AMTN: variants seen among roughly 807,000 people sequenced by gnomAD.
AMTN encodes the protein RSTI689.
Under a neutral mutation model 27.4 loss-of-function variants are expected in AMTN, and 29 were observed. The observed-to-expected ratio is 1.06, with a 90% CI of 0.79 to 1.44. The LOEUF is 1.44. AMTN is among the 40% of genes most tolerant of loss of function. The pLI is 0.00. For synonymous variants in AMTN, 86 were observed against 95.7 expected (o/e 0.90, Z 0.59); for missense variants, 247 against 248.8 (o/e 0.99, Z 0.05).
Position 70,531,437 on chromosome 4 carries a change from A to T in AMTN, c.619+137A>T. ...AAGCCCCTTTACTCACTCACAGTTA[A>T]CTCCAGCAACATGAGGGAATATTTT... On this transcript the variant is annotated intron_variant, in intron 8 of 8. Coordinates refer to ENST00000339336, the MANE Select transcript of AMTN (RefSeq NM_212557.4). 2 of 1,121,384 alleles carry T rather than the reference A, an allele frequency of 1.8e-6. 1 individual carries two copies. Among genetic ancestry groups the T allele is most frequent in the South Asian group, 3.3e-5 (2 of 61,516 alleles). The allele number at this position is 1,121,384 out of a possible 1,614,324, so 69.5% of individuals were successfully genotyped here.
intron 6 of AMTN, 26 bp downstream of exon 6, chr4:70,528,784 T>A: frequency 6.4e-7 from 1 of 1,561,726 alleles, no homozygotes; most frequent in Non-Finnish European, 8.6e-7. Context: ...AATATTGTCT[T>A]GATTTTAAAT....
At chr4:70,521,631 C>A (rs1265594137) in intron 2 of AMTN, among the ~76,000 whole-genome samples, 5 of 131,358 alleles carry the variant, frequency 3.8e-5, no homozygotes. Flanking sequence ...ACAGATAATA[C>A]CAACCTCTCT....
Position 70,532,606 on chromosome 4 carries a change from C to A in AMTN, c.*141C>A. The A allele has an allele frequency of 1.3e-6, 1 of 772,142 alleles. No individual in the cohort carries two copies. Among genetic ancestry groups the A allele is most frequent in the Non-Finnish European group, 2.0e-6 (1 of 495,778 alleles). 47.8% of individuals were successfully genotyped at this position (772,142 alleles called of 1,614,324 possible). On this transcript the variant is annotated 3_prime_UTR_variant, in exon 9 of 9. Coordinates refer to ENST00000339336, the MANE Select transcript of AMTN (RefSeq NM_212557.4). ...AATTCTTAATTTACCTGAAAATATT[C>A]TTGAAATTTCAGAAAATATGTTCTA... is the stretch of plus-strand genomic sequence containing the variant.
chr4:70,531,081 G>A lies in AMTN; in HGVS notation c.400G>A (p.Gly134Arg). 19 of 1,614,028 alleles carry A rather than the reference G, an allele frequency of 1.2e-5. No individual in the cohort carries two copies. The highest frequency in any genetic ancestry group is 1.6e-5 in the Non-Finnish European group (19 of 1,179,986). The change falls in exon 8 of 9, where the codon GGA becomes AGA. Residue 134 changes from glycine to arginine, a missense_variant. Coordinates refer to ENST00000339336, the MANE Select transcript of AMTN (RefSeq NM_212557.4). ...CCTCATCATCCATTCCTTGTTCCCG[G>A]GAGGCATCCTGCCCACCAGTCAGGC... Reference protein sequence around the residue: ...TSLIIHSLFPGGILPTSQAGA... With the variant: ...TSLIIHSLFPRGILPTSQAGA...
intron 3 of AMTN, 35 bp downstream of exon 3, chr4:70,522,873 G>C: frequency 6.3e-7 from 1 of 1,591,020 alleles, no homozygotes; most frequent in Non-Finnish European, 8.6e-7. Context: ...TGTACAAACC[G>C]GTAAAGAAAA....
At chr4:70,524,594 A>G (rs1044465991) in intron 4 of AMTN, among the ~76,000 whole-genome samples, 4 of 152,204 alleles carry the variant, frequency 2.6e-5, no homozygotes, top group African/African-American at 9.7e-5. Context: ...GCAAAGATAA[A>G]AATAAATCAC....
chr4:70,530,682 C>CA (rs1736201209), intron 7 of AMTN, among the ~76,000 whole-genome samples: 1 of 152,078 alleles, frequency 6.6e-6, no homozygotes, highest in Admixed American at 6.5e-5. Flanking sequence ...AAAAATACAT[C>CA]AAAAAAACTT....
intron 5 of AMTN, among the ~76,000 whole-genome samples, chr4:70,527,487 T>G (rs1332103321): frequency 1.3e-5 from 2 of 152,204 alleles, no homozygotes; most frequent in African/African-American, 4.8e-5. Flanking sequence ...TTGGGTTTTT[T>G]GTTCTTGTTT....
chr4:70,527,167 G>T (rs971489260), intron 5 of AMTN, among the ~76,000 whole-genome samples: 3 of 152,154 alleles, frequency 2.0e-5, no homozygotes, highest in Non-Finnish European at 4.4e-5. Context: ...TACAGCTGTT[G>T]CAAAGATCAA....
At chr4:70,518,873 C>T in intron 2 of AMTN, 42 bp downstream of exon 2, 3 of 1,514,948 alleles carry the variant, frequency 2.0e-6, no homozygotes, top group Non-Finnish European at 2.8e-6. Flanking sequence ...CCAGTTTCAA[C>T]AGCATCTCTA....
chr4:70,519,002 G>T (rs760224085), intron 2 of AMTN, among the ~76,000 whole-genome samples, 171 bp downstream of exon 2: 1 of 152,106 alleles, frequency 6.6e-6, no homozygotes, highest in Non-Finnish European at 1.5e-5. Context: ...TAAGCTGTTG[G>T]TACATATTTC....
chr4:70,530,750 A>C (rs1265417800), intron 7 of AMTN, among the ~76,000 whole-genome samples: 1 of 152,196 alleles, frequency 6.6e-6, no homozygotes, highest in East Asian at 1.9e-4. Context: ...ATTAATTTTT[A>C]TGCTCTTATT....
At chr4:70,528,098 T>C (rs1394397596) in intron 5 of AMTN, among the ~76,000 whole-genome samples, 3 of 152,242 alleles carry the variant, frequency 2.0e-5, no homozygotes, top group Non-Finnish European at 4.4e-5. Context: ...TCTGTACATT[T>C]TAACATTATT....
intron 2 of AMTN, among the ~76,000 whole-genome samples, 193 bp downstream of exon 2, chr4:70,519,024 A>AT (rs1735884720): frequency 6.6e-6 from 1 of 152,136 alleles, no homozygotes; most frequent in Non-Finnish European, 1.5e-5. Context: ...ATGTACTTGC[A>AT]TTTTTTTAAA....
At position 70,523,913 on chromosome 4, in the gene AMTN, C is replaced by T; in HGVS notation, c.184C>T (p.Leu62=). The T allele has an allele frequency of 6.2e-7, 1 of 1,613,712 alleles. No homozygotes were observed. Among genetic ancestry groups the T allele is most frequent in the Non-Finnish European group, 8.5e-7 (1 of 1,179,660 alleles). The stretch of plus-strand genomic sequence containing the variant: ...GATACCATTAACACAGATGCTCACA[C>T]TGGGGCCAGATCTGCATCTGGTAAG... The part of the protein sequence containing the change: ...SLIPLTQMLT[L]GPDLHLLNPA... Residue 62 remains leucine (L), a synonymous_variant, in exon 4 of 9, where the codon CTG becomes TTG. Transcript: ENST00000339336.
At chr4:70,524,080 G>T in intron 4 of AMTN, 147 bp downstream of exon 4, 2 of 612,414 alleles carry the variant, frequency 3.3e-6, no homozygotes, top group East Asian at 5.7e-5. Flanking sequence ...TGAAAGAGAG[G>T]AGAGAAGAGT....
intron 5 of AMTN, among the ~76,000 whole-genome samples, chr4:70,527,386 TC>T (rs1736122857): frequency 6.6e-6 from 1 of 152,230 alleles, no homozygotes. Flanking sequence ...TTCTTTCCAC[TC>T]CAACTTTCCA....
At chr4:70,529,040 C>T (rs1736158209) in intron 6 of AMTN, 144 bp from the exon 7 acceptor site, 3 of 719,006 alleles carry the variant, frequency 4.2e-6, no homozygotes, top group Admixed American at 3.6e-5. Context: ...TAATATAGAT[C>T]ATAAGGCAGT....
At position 70,531,039 on chromosome 4, in the gene AMTN, C is replaced by CCA; in HGVS notation, c.361_362dup (p.Gln121HisfsTer41). 1 of 1,613,692 alleles carries CCA rather than the reference C, an allele frequency of 6.2e-7. No homozygotes were observed. Among genetic ancestry groups the CCA allele is most frequent in the East Asian group, 2.2e-5 (1 of 44,818 alleles). On this transcript the variant is annotated frameshift_variant and splice_region_variant, in exon 8 of 9. Transcript: ENST00000339336. LOFTEE classifies it high-confidence loss of function. ...TTTCTGTTTGCTTCCCTCATTCCAGCCACAAATCTTCACGAGCCTCATCAT... is the reference window on the plus strand; with the variant it reads ...TTTCTGTTTGCTTCCCTCATTCCAGCCACACAAATCTTCACGAGCCTCATCAT...
Sources: allele counts gnomAD v4.1 joint callset (sites outside exome capture counted in the v4.1 genomes callset), GRCh38; gene constraint gnomAD v4.1.1; transcripts MANE v1.5; gene names NCBI Gene and HGNC (gene_info 2026-07-23, HGNC 2026-07-21).